The following XKR6 variants were observed in gnomAD, a reference collection of about 807,000 sequenced individuals.
XKR6 encodes XK related 6.
A neutral mutation model predicts 56.7 loss-of-function variants in XKR6; 22 were observed. The observed-to-expected ratio is 0.39, with a 90% CI of 0.28 to 0.55. The LOEUF is 0.55. XKR6 is among the 20% of genes least tolerant of loss of function. The pLI is 0.66. For missense variants in XKR6, 852 were observed against 889.0 expected (o/e 0.96, Z 0.53); for synonymous variants, 524 against 387.8 (o/e 1.35, Z -4.13).
Position 11,169,894 on chromosome 8 carries a change from C to T in XKR6, c.764+30682G>A, listed in dbSNP as rs569846315. Among the ~76,000 whole-genome samples the T allele has an allele frequency of 5.3e-5, 8 of 151,986 alleles. No individual in the cohort carries two copies. The East Asian group carries it at 7.7e-4, about 15-fold the overall frequency. On this transcript the variant is annotated intron_variant, in intron 1 of 2. Coordinates refer to ENST00000416569, the MANE Select transcript of XKR6 (RefSeq NM_173683.4). Reference sequence around the variant, plus strand: ...TGATTAAAATGGTATATTTTGTGTTCGTATATTTTACAATAAATTTTTAAT... The same window carrying T: ...TGATTAAAATGGTATATTTTGTGTTTGTATATTTTACAATAAATTTTTAAT...
intron 1 of XKR6, among the ~76,000 whole-genome samples, chr8:11,193,291 A>G (rs1803684045): frequency 6.6e-6 from 1 of 152,254 alleles, no homozygotes; most frequent in Non-Finnish European, 1.5e-5. Flanking sequence ...ATTATTTTTT[A>G]AACCACTTGT....
intron 1 of XKR6, among the ~76,000 whole-genome samples, chr8:11,085,233 G>A (rs1421658861): frequency 2.0e-5 from 3 of 152,096 alleles, no homozygotes; most frequent in Non-Finnish European, 2.9e-5. Context: ...CCTCCTCTGC[G>A]GCCCCCATGC....
chr8:11,191,273 T>G (rs1276991439), intron 1 of XKR6, among the ~76,000 whole-genome samples: 1 of 152,100 alleles, frequency 6.6e-6, no homozygotes, highest in East Asian at 1.9e-4. Context: ...CAACAACAAC[T>G]ACTTAATAAT....
chr8:11,183,768 T>C (rs926831834), intron 1 of XKR6, among the ~76,000 whole-genome samples: 2 of 152,198 alleles, frequency 1.3e-5, no homozygotes, highest in Admixed American at 6.5e-5. Flanking sequence ...ATAAGGCCCC[T>C]AAATACGGTT....
chr8:11,149,570 G>C (rs920684965), intron 1 of XKR6, among the ~76,000 whole-genome samples: 1 of 151,404 alleles, frequency 6.6e-6, no homozygotes, highest in African/African-American at 2.4e-5. Context: ...AATATTAAAA[G>C]CTAATGAGAT....
At chr8:10,988,097 T>C (rs964672331) in intron 1 of XKR6, among the ~76,000 whole-genome samples, 6 of 152,242 alleles carry the variant, frequency 3.9e-5, no homozygotes, top group African/African-American at 1.4e-4. Context: ...CTCTAAAGTT[T>C]CACCCTCCCC....
At chr8:10,939,685 C>T (rs1358361328) in intron 1 of XKR6, among the ~76,000 whole-genome samples, 1 of 152,242 alleles carries the variant, frequency 6.6e-6, no homozygotes, top group Non-Finnish European at 1.5e-5. Flanking sequence ...CCCTAAGTCG[C>T]TGGGTTCTTG....
intron 1 of XKR6, among the ~76,000 whole-genome samples, chr8:10,940,076 G>C (rs947133349): frequency 2.0e-5 from 3 of 152,202 alleles, no homozygotes; most frequent in African/African-American, 7.2e-5. Context: ...GGGCCTAGTG[G>C]GCAGGACCAT....
chr8:11,030,464 C>A (rs982174167), intron 1 of XKR6, among the ~76,000 whole-genome samples: 1 of 152,220 alleles, frequency 6.6e-6, no homozygotes, highest in Non-Finnish European at 1.5e-5. Flanking sequence ...CCTCAGATTG[C>A]ATACCCTTGA....
In XKR6 at chr8:11,171,305, A is replaced by G. The variant is rs575202962; in HGVS notation, c.764+29271T>C. On this transcript the variant is annotated intron_variant, in intron 1 of 2. Coordinates refer to ENST00000416569, the MANE Select transcript of XKR6 (RefSeq NM_173683.4). ...CTGCACACACACACACAGAGTTCAAAACATGCCCAAGGAAAAATATCCTGT... is the reference window on the plus strand; with the variant it reads ...CTGCACACACACACACAGAGTTCAAGACATGCCCAAGGAAAAATATCCTGT... 1.1e-4 allele frequency among the ~76,000 whole-genome samples: 17 copies of G among 152,364 alleles called. 1 individual carries two copies. In the East Asian group the frequency reaches 3.1e-3, roughly 28 times the overall value.
Position 10,915,171 on chromosome 8 carries a change from T to C in XKR6, c.961+9463A>G, listed in dbSNP as rs59127479. 1.7e-3 allele frequency among the ~76,000 whole-genome samples: 252 copies of C among 152,386 alleles called. 1 individual carries two copies. The highest frequency in any genetic ancestry group is 5.7e-3 in the African/African-American group (239 of 41,596). ...TTGCTTTGTTTATTGCCCATCTCTC[T>C]ACACAAAGCAGAAGCTCCACAAGGG... is the stretch of plus-strand genomic sequence containing the variant. On this transcript the variant is annotated intron_variant, in intron 2 of 2. Transcript: ENST00000416569.
At chr8:11,098,187 G>A (rs950323631) in intron 1 of XKR6, among the ~76,000 whole-genome samples, 2 of 151,898 alleles carry the variant, frequency 1.3e-5, no homozygotes, top group Admixed American at 1.3e-4. Flanking sequence ...ATCTGCAATT[G>A]AACTAGATCC....
intron 2 of XKR6, among the ~76,000 whole-genome samples, chr8:10,916,934 A>C (rs1247430949): frequency 6.6e-6 from 1 of 152,208 alleles, no homozygotes; most frequent in Non-Finnish European, 1.5e-5. Flanking sequence ...GAAAGAAGAA[A>C]ACTAGCAAGG....
chr8:11,171,842 C>A (rs1443122243), intron 1 of XKR6, among the ~76,000 whole-genome samples: 1 of 151,344 alleles, frequency 6.6e-6, no homozygotes, highest in Non-Finnish European at 1.5e-5. Context: ...CATGTGAGGT[C>A]AGGAGTTCAA....
chr8:11,091,529 A>G (rs1253843230), intron 1 of XKR6, among the ~76,000 whole-genome samples: 3 of 152,192 alleles, frequency 2.0e-5, no homozygotes, highest in East Asian at 3.8e-4. Flanking sequence ...TGATGACTGG[A>G]TGCCAGTAGC....
intron 1 of XKR6, chr8:11,195,094 C>A (rs1183102907): frequency 2.8e-6 from 2 of 702,478 alleles, no homozygotes; most frequent in Non-Finnish European, 5.2e-6. Context: ...CACTTACCCT[C>A]ACAGCTAAGC....
chr8:10,915,576 G>A (rs1421130826), intron 2 of XKR6, among the ~76,000 whole-genome samples: 2 of 152,078 alleles, frequency 1.3e-5, no homozygotes, highest in Admixed American at 1.3e-4. Flanking sequence ...CTCAGTGCAG[G>A]GCCTCAAAAT....
intron 1 of XKR6, among the ~76,000 whole-genome samples, chr8:11,118,008 C>T (rs150632015): frequency 1.5e-3 from 228 of 152,238 alleles, no homozygotes; most frequent in African/African-American, 5.3e-3. Context: ...GAGAGGTATA[C>T]ACCAGCACCA....
At chr8:11,087,876 C>G (rs1287891203) in intron 1 of XKR6, among the ~76,000 whole-genome samples, 3 of 152,210 alleles carry the variant, frequency 2.0e-5, no homozygotes, top group Admixed American at 2.0e-4. Context: ...GCAGAGATTT[C>G]TGTCCTTTAA....
Sources: allele counts gnomAD v4.1 joint callset (sites outside exome capture counted in the v4.1 genomes callset), GRCh38; gene constraint gnomAD v4.1.1; transcripts MANE v1.5; gene names NCBI Gene and HGNC (gene_info 2026-07-23, HGNC 2026-07-21).